ZNF527: variants seen among roughly 807,000 people sequenced by gnomAD.
ZNF527 encodes zinc finger protein 527.
A neutral mutation model predicts 13.5 loss-of-function variants in ZNF527; 5 were observed. The observed-to-expected ratio is 0.37, with a 90% CI of 0.19 to 0.78. The LOEUF is 0.78. Ranked by LOEUF, ZNF527 falls within the 30% of genes least tolerant of loss-of-function variation. The probability of loss-of-function intolerance (pLI) is 0.48; values close to 1 mark genes in which losing one functional copy is unlikely to be tolerated. For missense variants in ZNF527, 628 were observed against 726.4 expected (o/e 0.86, Z 1.56); for synonymous variants, 209 against 243.1 (o/e 0.86, Z 1.30).
chr19:37,387,357 TGAC>T (rs953482504), intron 4 of ZNF527, among the ~76,000 whole-genome samples: 1 of 152,222 alleles, frequency 6.6e-6, no homozygotes, highest in African/African-American at 2.4e-5. Flanking sequence ...TCTTTTTTCC[TGAC>T]ATTTATACCT....
chr19:37,388,358 T>G lies in ZNF527; in HGVS notation c.309T>G (p.Asp103Glu), dbSNP rs768003571. 3 of 1,613,970 alleles carry G rather than the reference T, an allele frequency of 1.9e-6. No homozygotes were observed. The highest frequency in any genetic ancestry group is 2.7e-5 in the African/African-American group (2 of 74,928). ...IEELSPKWFIDEDEISQEMVM... is the reference protein window; with the variant it reads ...IEELSPKWFIEEDEISQEMVM... ...AATTATCTCCAAAATGGTTCATTGATGAAGATGAAATATCCCAGGAGATGG... is the reference window on the plus strand; with the variant it reads ...AATTATCTCCAAAATGGTTCATTGAGGAAGATGAAATATCCCAGGAGATGG... The change falls in exon 5 of 5, where the codon GAT becomes GAG. Residue 103 changes from aspartate (D) to glutamate (E), a missense_variant. This residue lies in a region of ZNF527 where 592 missense variants were observed against 678.0 expected (regional missense o/e 0.87). Coordinates refer to ENST00000436120, the MANE Select transcript of ZNF527 (RefSeq NM_032453.2).
chr19:37,385,736 A>C (rs1445948802), intron 4 of ZNF527: 1 of 161,358 alleles, frequency 6.2e-6, no homozygotes, highest in Non-Finnish European at 1.3e-5. Flanking sequence ...GTTCATTTAA[A>C]TCTTCCTTAG....
chr19:37,380,198 T>C (rs779302017), intron 3 of ZNF527, 79 bp from the exon 4 acceptor site: 2 of 1,580,664 alleles, frequency 1.3e-6, no homozygotes, highest in South Asian at 1.2e-5. Context: ...GTCTGCGTCC[T>C]AGACAGCTGT....
chr19:37,386,139 C>CTTTTTT, intron 4 of ZNF527, among the ~76,000 whole-genome samples: 1 of 69,258 alleles, frequency 1.4e-5, no homozygotes, highest in Non-Finnish European at 2.5e-5. Flanking sequence ...CTCTTCTTTT[C>CTTTTTT]CTTTTTTTTT....
At chr19:37,383,807 G>A (rs982769600) in intron 4 of ZNF527, among the ~76,000 whole-genome samples, 2 of 151,984 alleles carry the variant, frequency 1.3e-5, no homozygotes, top group Admixed American at 6.5e-5. Flanking sequence ...AAAGTGCTGG[G>A]AGTACAGGCA....
Position 37,389,070 on chromosome 19 carries a change from CAG to C in ZNF527, c.1024_1025del (p.Ser342CysfsTer20). The C allele has an allele frequency of 6.2e-7, 1 of 1,614,218 alleles. No individual in the cohort carries two copies. The highest frequency in any genetic ancestry group is 8.5e-7 in the Non-Finnish European group (1 of 1,180,034). On this transcript the variant is annotated frameshift_variant, in exon 5 of 5. Transcript: ENST00000436120. LOFTEE classifies it low-confidence loss of function (END_TRUNC). ...TAAGGAATGTAACAAAGCTTTCAGA[CAG>C]AGTGCTCACCTTGCTCAACATCAGA... ...ECKECNKAFR[Q>X]SAHLAQHQRI...
At chr19:37,386,887 A>G (rs990562426) in intron 4 of ZNF527, among the ~76,000 whole-genome samples, 1 of 152,214 alleles carries the variant, frequency 6.6e-6, no homozygotes, top group African/African-American at 2.4e-5. Flanking sequence ...CAAGTGAGTG[A>G]GGGAACAGAA....
chr19:37,391,673 A>G lies in ZNF527; in HGVS notation c.*1794A>G, dbSNP rs74821495. 15 of 152,332 alleles carry G rather than the reference A, an allele frequency of 9.8e-5. No homozygotes were observed. The East Asian group carries it at 2.5e-3, about 25-fold the overall frequency. The allele number at this position is 152,332 out of a possible 1,614,324, so 9.4% of individuals were successfully genotyped here. On this transcript the variant is annotated 3_prime_UTR_variant, in exon 5 of 5. Transcript: ENST00000436120. ...GCAGCTAGAGATATCAAACAAAGAT[A>G]TTGCTGGCAGAAAGAATGAGTCATT...
intron 4 of ZNF527, 66 bp downstream of exon 4, chr19:37,380,438 A>G (rs1332564773): frequency 1.4e-6 from 2 of 1,394,354 alleles, no homozygotes; most frequent in Admixed American, 3.8e-5. Flanking sequence ...TAAGTAGGAA[A>G]CTGTTTTGAG....
At chr19:37,381,689 T>C (rs934705431) in intron 4 of ZNF527, among the ~76,000 whole-genome samples, 23 of 152,194 alleles carry the variant, frequency 1.5e-4, no homozygotes, top group African/African-American at 5.5e-4. Flanking sequence ...TTCTGTAATT[T>C]TTGCCCATTT....
intron 2 of ZNF527, among the ~76,000 whole-genome samples, chr19:37,374,799 A>C (rs1349928783): frequency 6.6e-6 from 1 of 152,204 alleles, no homozygotes; most frequent in Non-Finnish European, 1.5e-5. Context: ...TAAGTGAAGG[A>C]GAGCCATTGG....
intron 1 of ZNF527, among the ~76,000 whole-genome samples, chr19:37,372,264 G>C (rs2040563681): frequency 6.6e-6 from 1 of 152,022 alleles, no homozygotes; most frequent in Non-Finnish European, 1.5e-5. Flanking sequence ...CTCCCACAGT[G>C]CTGGGATTAC....
chr19:37,386,338 C>T (rs1265560912), intron 4 of ZNF527, among the ~76,000 whole-genome samples: 2 of 151,928 alleles, frequency 1.3e-5, no homozygotes, highest in East Asian at 3.9e-4. Flanking sequence ...GACGAGGTTT[C>T]ACTGTGTTGG....
chr19:37,380,930 T>G (rs2040648959), intron 4 of ZNF527, among the ~76,000 whole-genome samples: 1 of 152,172 alleles, frequency 6.6e-6, no homozygotes, highest in African/African-American at 2.4e-5. Flanking sequence ...ACTCTTGATT[T>G]TTTTTCAGGG....
At chr19:37,384,198 A>G (rs920490180) in intron 4 of ZNF527, among the ~76,000 whole-genome samples, 15 of 152,038 alleles carry the variant, frequency 9.9e-5, no homozygotes, top group Non-Finnish European at 2.2e-4. Flanking sequence ...TGTTCCTGTA[A>G]TCCCAGCTAC....
At position 37,392,772 on chromosome 19, in the gene ZNF527, T is replaced by C. The variant is rs1326761765; in HGVS notation, c.*2893T>C. On this transcript the variant is annotated 3_prime_UTR_variant, in exon 5 of 5. Transcript: ENST00000436120. The stretch of plus-strand genomic sequence containing the variant: ...ACCTAAGCTACTGGTTCATTCTCTG[T>C]TTATATAGTTAAACTTCACTTGTAA... 2.0e-5 allele frequency: 3 copies of C among 152,100 alleles called. No homozygotes were observed. Among genetic ancestry groups the C allele is most frequent in the African/African-American group, 7.3e-5 (3 of 41,372 alleles). 9.4% of individuals were successfully genotyped at this position (152,100 alleles called of 1,614,324 possible). A position where few individuals can be genotyped will look rare whatever the true frequency, so the allele number is the denominator to read the frequency against.
chr19:37,374,407 C>T (rs575832698), intron 2 of ZNF527, among the ~76,000 whole-genome samples, 176 bp downstream of exon 2: 3 of 152,230 alleles, frequency 2.0e-5, no homozygotes, highest in South Asian at 4.1e-4. Context: ...GTGTTATGCT[C>T]AAATGTGTGA....
Position 37,389,459 on chromosome 19 carries a change from T to C in ZNF527, c.1410T>C (p.Tyr470=). ...HQRIHTGEKP[Y]ECIKCGKFFR... ...GAATTCATACCGGAGAAAAGCCCTATGAATGCATCAAATGTGGGAAGTTTT... is the reference window on the plus strand; with the variant it reads ...GAATTCATACCGGAGAAAAGCCCTACGAATGCATCAAATGTGGGAAGTTTT... The change falls in exon 5 of 5, where the codon TAT becomes TAC. Residue 470 remains tyrosine, a synonymous_variant. Coordinates refer to ENST00000436120, the MANE Select transcript of ZNF527 (RefSeq NM_032453.2). The C allele has an allele frequency of 6.2e-7, 1 of 1,614,132 alleles. No homozygotes were observed. The highest frequency in any genetic ancestry group is 8.5e-7 in the Non-Finnish European group (1 of 1,180,034).
At chr19:37,384,392 G>A (rs2040680761) in intron 4 of ZNF527, among the ~76,000 whole-genome samples, 1 of 152,196 alleles carries the variant, frequency 6.6e-6, no homozygotes, top group Middle Eastern at 3.4e-3. Flanking sequence ...CAACTACTTA[G>A]GAGACTGAGG....
Sources: allele counts gnomAD v4.1 joint callset (sites outside exome capture counted in the v4.1 genomes callset), GRCh38; gene constraint gnomAD v4.1.1; regional missense constraint gnomAD v4.1.1; transcripts MANE v1.5; gene names NCBI Gene and HGNC (gene_info 2026-07-23, HGNC 2026-07-21).